KDM4C: variants seen among roughly 807,000 people sequenced by gnomAD.
KDM4C encodes the protein lysine demethylase 4C.
Under a neutral mutation model 129.3 loss-of-function variants are expected in KDM4C, and 81 were observed. That is an observed-to-expected ratio of 0.63 (90% CI 0.52 to 0.75). KDM4C has a LOEUF of 0.75. KDM4C is among the 30% of genes least tolerant of loss of function. KDM4C has a pLI of 0.00. For synonymous variants in KDM4C, 573 were observed against 456.1 expected (o/e 1.26, Z -3.26); for missense variants, 1,457 against 1,304.0 (o/e 1.12, Z -1.81).
chr9:6,872,914 C>T (rs967220707), intron 5 of KDM4C, among the ~76,000 whole-genome samples: 30 of 152,040 alleles, frequency 2.0e-4, no homozygotes, highest in African/African-American at 7.2e-4. Context: ...AGAGTTCTAC[C>T]TGTCCTTTGA....
rs544671446 is a variant in KDM4C, at chr9:7,000,654, A to G, written c.1786+10130A>G. On this transcript the variant is annotated intron_variant, in intron 12 of 21. Transcript: ENST00000381309. Reference sequence around the variant, plus strand: ...GGTTATAATATATATGAAATTGTCAATATTTGAAATTTTTTTTACTCTATG... The same window carrying G: ...GGTTATAATATATATGAAATTGTCAGTATTTGAAATTTTTTTTACTCTATG... 7.9e-5 allele frequency among the ~76,000 whole-genome samples: 12 copies of G among 152,316 alleles called. No individual in the cohort carries two copies. In the South Asian group the frequency reaches 1.2e-3, roughly 16 times the overall value.
chr9:6,941,165 T>G (rs1196529616), intron 8 of KDM4C, among the ~76,000 whole-genome samples: 1 of 152,024 alleles, frequency 6.6e-6, no homozygotes, highest in African/African-American at 2.4e-5. Context: ...CAAGCCACCA[T>G]GCCCAGCTAA....
intron 17 of KDM4C, among the ~76,000 whole-genome samples, chr9:7,054,238 T>C (rs924831198): frequency 1.8e-4 from 27 of 152,230 alleles, no homozygotes; most frequent in African/African-American, 6.0e-4. Flanking sequence ...TCACAGGTGA[T>C]TGGTGTGCCT....
At chr9:6,865,153 T>C (rs55731096) in intron 5 of KDM4C, among the ~76,000 whole-genome samples, 12,386 of 151,588 alleles carry the variant, frequency 0.082, 833 homozygotes, top group East Asian at 0.25. Flanking sequence ...GGACTGCAGG[T>C]GCCCGCCACC....
At chr9:7,147,746 C>T (rs58737745) in intron 19 of KDM4C, among the ~76,000 whole-genome samples, 2,223 of 152,326 alleles carry the variant, frequency 0.015, 40 homozygotes, top group African/African-American at 0.051. Context: ...ACCCAGGGTG[C>T]TCCTTGCTCT....
At chr9:6,734,013 A>G (rs1817439377) in intron 1 of KDM4C, among the ~76,000 whole-genome samples, 1 of 152,118 alleles carries the variant, frequency 6.6e-6, no homozygotes, top group Non-Finnish European at 1.5e-5. Flanking sequence ...TTTATGAGCT[A>G]TATCTTGTGC....
At chr9:6,955,270 C>T (rs1455249085) in intron 8 of KDM4C, among the ~76,000 whole-genome samples, 1 of 152,298 alleles carries the variant, frequency 6.6e-6, no homozygotes, top group Non-Finnish European at 1.5e-5. Context: ...AAGAGGTAAT[C>T]AGTTCCTTAG....
At chr9:6,792,192 A>T (rs1014640677) in intron 1 of KDM4C, among the ~76,000 whole-genome samples, 2 of 151,734 alleles carry the variant, frequency 1.3e-5, no homozygotes, top group African/African-American at 4.8e-5. Flanking sequence ...AATACAAAAA[A>T]GGTAGCCCGG....
At chr9:6,747,254 A>G (rs1328717818) in intron 1 of KDM4C, among the ~76,000 whole-genome samples, 1 of 151,690 alleles carries the variant, frequency 6.6e-6, no homozygotes, top group Non-Finnish European at 1.5e-5. Context: ...TTTAAGACAC[A>G]AGAATATAGA....
intron 3 of KDM4C, among the ~76,000 whole-genome samples, chr9:6,811,203 G>T (rs1180562243): frequency 1.3e-5 from 2 of 152,130 alleles, no homozygotes; most frequent in Non-Finnish European, 2.9e-5. Flanking sequence ...GCCCAGGATG[G>T]AGTGCAGTGG....
chr9:6,843,131 A>G (rs868382243), intron 4 of KDM4C, among the ~76,000 whole-genome samples: 1 of 152,030 alleles, frequency 6.6e-6, no homozygotes, highest in South Asian at 2.1e-4. Context: ...GTTTCACCAT[A>G]TTGGCCAGGC....
intron 12 of KDM4C, among the ~76,000 whole-genome samples, chr9:6,991,070 T>A (rs1427192518): frequency 1.3e-5 from 2 of 152,072 alleles, no homozygotes; most frequent in Admixed American, 6.6e-5. Flanking sequence ...TAAATTTATC[T>A]TTTTCCCCCT....
At chr9:7,061,893 C>T (rs1831732182) in intron 17 of KDM4C, among the ~76,000 whole-genome samples, 1 of 152,230 alleles carries the variant, frequency 6.6e-6, no homozygotes, top group South Asian at 2.1e-4. Context: ...TACATTACCC[C>T]TCACCCTAAT....
rs200000387 is a variant in KDM4C, at chr9:7,165,376, G to C, written c.2901+19G>C. ...GTACCAGGTGGGTTCTTCCTTCTCT[G>C]TGATGCTTGCTAAGATTGACATGAT... On this transcript the variant is annotated intron_variant, in intron 20 of 21. Transcript: ENST00000381309. 9 of 1,612,170 alleles carry C rather than the reference G, an allele frequency of 5.6e-6. No individual in the cohort carries two copies. In the South Asian group the frequency reaches 7.7e-5, roughly 14 times the overall value.
intron 6 of KDM4C, among the ~76,000 whole-genome samples, chr9:6,883,486 C>T (rs1038107314): frequency 6.6e-6 from 1 of 152,122 alleles, no homozygotes; most frequent in Non-Finnish European, 1.5e-5. Flanking sequence ...AACTTAATTT[C>T]TTAACAATTT....
At chr9:6,964,320 A>G (rs1426012399) in intron 8 of KDM4C, among the ~76,000 whole-genome samples, 1 of 149,638 alleles carries the variant, frequency 6.7e-6, no homozygotes, top group Non-Finnish European at 1.5e-5. Flanking sequence ...ATTCCCACCT[A>G]TGAGTGAGAA....
chr9:7,085,946 A>G (rs1189291541), intron 17 of KDM4C, among the ~76,000 whole-genome samples: 3 of 152,188 alleles, frequency 2.0e-5, no homozygotes, highest in Non-Finnish European at 2.9e-5. Context: ...GCCTGAAGTC[A>G]GGAGTTCGAG....
intron 18 of KDM4C, among the ~76,000 whole-genome samples, chr9:7,116,723 A>G (rs1430243518): frequency 6.6e-6 from 1 of 152,218 alleles, no homozygotes; most frequent in Non-Finnish European, 1.5e-5. Flanking sequence ...TGGACATTAG[A>G]AAGCTTTTGG....
chr9:7,055,186 A>ACAAACACAAAAAATTTGG (rs1424484065), intron 17 of KDM4C, among the ~76,000 whole-genome samples: 2 of 152,214 alleles, frequency 1.3e-5, no homozygotes. Context: ...CAAAAAACAA[A>ACAAACACAAAAAATTTGG]CAAACACAAA....
Sources: allele counts gnomAD v4.1 joint callset (sites outside exome capture counted in the v4.1 genomes callset), GRCh38; gene constraint gnomAD v4.1.1; transcripts MANE v1.5; gene names NCBI Gene and HGNC (gene_info 2026-07-23, HGNC 2026-07-21).